C4BPB: variants seen among roughly 807,000 people sequenced by gnomAD.
The protein encoded by C4BPB is complement component 4 binding protein beta.
In C4BPB, 19 loss-of-function variants were observed where a neutral mutation model predicts 26.6. The ratio of observed to expected loss-of-function variants is 0.71; its 90% CI spans 0.50 to 1.05. The LOEUF is 1.05. Among genes scored for constraint, C4BPB ranks in the 50% least tolerant of loss-of-function variants. C4BPB has a pLI of 0.00. For synonymous variants in C4BPB, 118 were observed against 103.5 expected (o/e 1.14, Z -0.85); for missense variants, 282 against 302.9 (o/e 0.93, Z 0.51).
At chr1:207,089,986 T>A (rs11120183) in intron 2 of C4BPB, among the ~76,000 whole-genome samples, 80,331 of 152,100 alleles carry the variant, frequency 0.53, 21,786 homozygotes, top group East Asian at 0.86. Flanking sequence ...AACTTCGGAA[T>A]TCCGGCCGGG....
In C4BPB at chr1:207,091,696, G is replaced by A; in HGVS notation, c.285G>A (p.Gly95=). Residue 95 remains glycine, a synonymous_variant, in exon 4 of 7, where the codon GGG becomes GGA. Transcript: ENST00000367078. The stretch of plus-strand genomic sequence containing the variant: ...TGAATGGAGAGTTCAGTTCTTCAGG[G>A]CCTGTGAATGTAAGTGACAAAATCA... ...VLVNGEFSSS[G]PVNVSDKITF... is the part of the protein sequence containing the mutation. The A allele has an allele frequency of 6.2e-7, 1 of 1,613,952 alleles. No homozygotes were observed.
At chr1:207,096,263 A>G (rs982088619) in intron 4 of C4BPB, 10 of 436,198 alleles carry the variant, frequency 2.3e-5, no homozygotes, top group South Asian at 8.0e-5. Context: ...CTGTCAGATA[A>G]TACTCCCAAA....
intron 4 of C4BPB, chr1:207,095,397 C>T (rs1684203836): frequency 2.2e-6 from 1 of 456,600 alleles, no homozygotes; most frequent in Non-Finnish European, 4.4e-6. Flanking sequence ...GTGGCAGAAT[C>T]TTGGCTCACT....
intron 4 of C4BPB, chr1:207,095,860 C>CCT (rs56079810): frequency 0.097 from 17,610 of 182,112 alleles, 1,317 homozygotes; most frequent in African/African-American, 0.22. Context: ...ACGCCTCCTC[C>CCT]CTCTCTCGTT....
At chr1:207,088,967 T>A (rs528512841) in intron 1 of C4BPB, 21 bp downstream of exon 1, 1 of 153,558 alleles carries the variant, frequency 6.5e-6, no homozygotes, top group East Asian at 1.9e-4. Flanking sequence ...TTTACTTCCT[T>A]GAGCTTTCGT....
At chr1:207,095,102 G>A (rs556712512) in intron 4 of C4BPB, 13 of 316,122 alleles carry the variant, frequency 4.1e-5, no homozygotes, top group African/African-American at 1.8e-4. Flanking sequence ...ATTTTTGATC[G>A]ACATGTTTAG....
rs79653651 is a variant in C4BPB, at chr1:207,099,374, C to T, written c.619-415C>T. On this transcript the variant is annotated intron_variant, in intron 6 of 6. Coordinates refer to ENST00000367078, the MANE Select transcript of C4BPB (RefSeq NM_001017365.3). ...ACAGCTGAAGCTTTGCTTGCCTGCC[C>T]GCTGCTCACTTTCTGCTGTGTGGCC... Among the ~76,000 whole-genome samples the T allele has an allele frequency of 9.5e-3, 1,439 of 152,270 alleles. 9 individuals are homozygous for T. The highest frequency in any genetic ancestry group is 0.023 in the African/African-American group (964 of 41,538).
chr1:207,099,915 G>T lies in C4BPB; in HGVS notation c.745G>T (p.Ala249Ser). The T allele has an allele frequency of 6.2e-7, 1 of 1,612,496 alleles. No homozygotes were observed. Reference protein sequence around the residue: ...SLELKKAELKAKLL With the variant: ...SLELKKAELKSKLL ...GGAGCTGAAGAAAGCTGAGTTGAAGGCAAAATTGTTGTAACACTACAGCTG... is the reference window on the plus strand; with the variant it reads ...GGAGCTGAAGAAAGCTGAGTTGAAGTCAAAATTGTTGTAACACTACAGCTG... The change falls in exon 7 of 7, where the codon GCA becomes TCA. Residue 249 changes from alanine (A) to serine (S), a missense_variant. Transcript: ENST00000367078.
rs755904248 is a variant in C4BPB, at chr1:207,092,629, C to CTTT, written c.409+823_409+825dup. On this transcript the variant is annotated intron_variant, in intron 4 of 6. Coordinates refer to ENST00000367078, the MANE Select transcript of C4BPB (RefSeq NM_001017365.3). ...TGTCTACGTTGTTATTTCTTTCTTT[C>CTTT]TTTTTTTTTTTTTTTTGAGATGGAG... is the stretch of plus-strand genomic sequence containing the variant. Among the ~76,000 whole-genome samples the CTTT allele has an allele frequency of 4.9e-4, 66 of 134,598 alleles. 1 individual carries two copies. The highest frequency in any genetic ancestry group is 1.4e-3 in the African/African-American group (50 of 36,090). The allele number at this position is 134,598 out of a possible 152,430, so 88.3% of individuals were successfully genotyped here.
chr1:207,096,139 T>G, intron 4 of C4BPB: 1 of 246,536 alleles, frequency 4.1e-6, no homozygotes. Flanking sequence ...ACACGCTTCA[T>G]CTCCTCTCTC....
At position 207,089,588 on chromosome 1, in the gene C4BPB, T is replaced by A. The variant is rs1300668594; in HGVS notation, c.57T>A (p.Asp19Glu). Residue 19 changes from aspartate to glutamate, a missense_variant and splice_region_variant, in exon 2 of 7, where the codon GAT (aspartate) becomes GAA (glutamate). By Grantham distance (45) the Asp-to-Glu change is conservative (BLOSUM62 2). Coordinates refer to ENST00000367078, the MANE Select transcript of C4BPB (RefSeq NM_001017365.3). ...TTGCGTGGCGAGTTTCTGCTTCAGA[T>A]GGTACGTATGCTTTCCTTCAACTCA... ...LMVAWRVSAS[D>E]AEHCPELPPV... is the part of the protein sequence containing the mutation. 6.2e-7 allele frequency: 1 copy of A among 1,613,856 alleles called. No homozygotes were observed. Among genetic ancestry groups the A allele is most frequent in the Non-Finnish European group, 8.5e-7 (1 of 1,179,838 alleles).
intron 4 of C4BPB, among the ~76,000 whole-genome samples, chr1:207,092,039 T>C (rs1483950420): frequency 2.6e-5 from 4 of 152,232 alleles, no homozygotes; most frequent in Non-Finnish European, 5.9e-5. Flanking sequence ...CACACATTTT[T>C]CCTTCTCAGA....
intron 4 of C4BPB, chr1:207,096,307 G>A (rs1472042764): frequency 1.9e-6 from 1 of 539,956 alleles, no homozygotes; most frequent in Non-Finnish European, 3.3e-6. Context: ...CTGGGGGAAA[G>A]CTCTTTCCCA....
chr1:207,096,175 C>T lies in C4BPB; in HGVS notation c.410-347C>T, dbSNP rs957535241. On this transcript the variant is annotated intron_variant, in intron 4 of 6. Transcript: ENST00000367078. ...AGGGAGTTATTTCTTCAGCCTTCAC[C>T]TATGGCCCAATTTTTCTTTTCTTGT... 3.1e-5 allele frequency: 9 copies of T among 290,958 alleles called. No homozygotes were observed. The Admixed American group carries it at 3.9e-4, about 13-fold the overall frequency. 18.0% of individuals were successfully genotyped at this position (290,958 alleles called of 1,614,324 possible).
In C4BPB at chr1:207,099,856, G is replaced by T. The variant is rs767397417; in HGVS notation, c.686G>T (p.Ser229Ile). Residue 229 changes from serine to isoleucine, a missense_variant, in exon 7 of 7, where the codon AGT becomes ATT. By Grantham distance (142) the Ser-to-Ile change is moderately radical (BLOSUM62 -2). Transcript: ENST00000367078. ...MENFMQQLKESGMTMEELKYS... is the reference protein window; with the variant it reads ...MENFMQQLKEIGMTMEELKYS... ...AACTTTATGCAACAATTAAAGGAAA[G>T]TGGCATGACAATGGAGGAGCTAAAA... 1 of 1,614,032 alleles carries T rather than the reference G, an allele frequency of 6.2e-7. No homozygotes were observed. Among genetic ancestry groups the T allele is most frequent in the Non-Finnish European group, 8.5e-7 (1 of 1,179,890 alleles).
At chr1:207,090,581 A>G in intron 3 of C4BPB, 100 bp downstream of exon 3, 1 of 1,109,806 alleles carries the variant, frequency 9.0e-7, no homozygotes, top group African/African-American at 1.6e-5. Context: ...ATAAGAAAAC[A>G]AAAATTCTCA....
intron 3 of C4BPB, 53 bp downstream of exon 3, chr1:207,090,534 T>C: frequency 6.8e-7 from 1 of 1,469,748 alleles, no homozygotes; most frequent in Non-Finnish European, 9.3e-7. Flanking sequence ...GTTTTACTCC[T>C]TCACATCCTA....
chr1:207,096,390 A>G, intron 4 of C4BPB, 132 bp from the exon 5 acceptor site: 1 of 690,986 alleles, frequency 1.4e-6, no homozygotes, highest in Non-Finnish European at 2.7e-6. Flanking sequence ...TGTTGCTGTG[A>G]GGATGTCAGG....
At chr1:207,090,719 A>G (rs1041682886) in intron 3 of C4BPB, among the ~76,000 whole-genome samples, 2 of 152,042 alleles carry the variant, frequency 1.3e-5, no homozygotes, top group African/African-American at 4.8e-5. Context: ...GAAAGAAATA[A>G]TTTCTTCCAG....
Sources: allele counts gnomAD v4.1 joint callset (sites outside exome capture counted in the v4.1 genomes callset), GRCh38; gene constraint gnomAD v4.1.1; transcripts MANE v1.5; gene names NCBI Gene and HGNC (gene_info 2026-07-23, HGNC 2026-07-21).